Variants in FAF1 observed in about 807,000 individuals in gnomAD.
The protein encoded by FAF1 is FAS-associated factor 1.
A neutral mutation model predicts 92.5 loss-of-function variants in FAF1; 25 were observed. The observed-to-expected ratio is 0.27, with a 90% confidence interval of 0.20 to 0.38. The LOEUF (loss-of-function observed/expected upper bound fraction) is 0.38, where lower values mean the gene tolerates loss of function less well. Among genes scored for constraint, FAF1 ranks in the 10% least tolerant of loss-of-function variants. The pLI, the probability that FAF1 is intolerant of heterozygous loss-of-function variation, is 1.00. For missense variants in FAF1, 636 were observed against 793.3 expected (o/e 0.80, Z 2.38); for synonymous variants, 234 against 273.2 (o/e 0.86, Z 1.42).
intron 13 of FAF1, among the ~76,000 whole-genome samples, chr1:50,546,177 A>T (rs1649006170): frequency 6.6e-6 from 1 of 152,154 alleles, no homozygotes; most frequent in South Asian, 2.1e-4. Flanking sequence ...AAATCAATCA[A>T]TCTTGGTTAA....
chr1:50,752,545 T>C (rs115759686), intron 4 of FAF1, among the ~76,000 whole-genome samples: 3,531 of 152,248 alleles, frequency 0.023, 45 homozygotes, highest in Non-Finnish European at 0.037. Flanking sequence ...ATTATCAGTT[T>C]TATTAATCTT....
intron 1 of FAF1, among the ~76,000 whole-genome samples, chr1:50,950,591 G>A (rs1258920262): frequency 3.9e-5 from 6 of 152,152 alleles, no homozygotes; most frequent in Non-Finnish European, 8.8e-5. Context: ...ATAGTTTGCT[G>A]ACCCCTGATC....
At chr1:50,849,110 A>AC (rs1644327183) in intron 2 of FAF1, among the ~76,000 whole-genome samples, 2 of 151,160 alleles carry the variant, frequency 1.3e-5, no homozygotes, top group Admixed American at 6.6e-5. Context: ...TACACACACA[A>AC]AAAAAAATTA....
chr1:50,803,552 C>A (rs1055871217), intron 2 of FAF1, among the ~76,000 whole-genome samples: 2 of 151,916 alleles, frequency 1.3e-5, no homozygotes, highest in Non-Finnish European at 2.9e-5. Context: ...AGTGTCTGCA[C>A]AATAAAGGCA....
At position 50,879,142 on chromosome 1, in the gene FAF1, G is replaced by A. The variant is rs545750616; in HGVS notation, c.46-21145C>T. Among the ~76,000 whole-genome samples the A allele has an allele frequency of 9.2e-5, 14 of 152,306 alleles. No homozygotes were observed. The South Asian group carries it at 2.5e-3, about 27-fold the overall frequency. On this transcript the variant is annotated intron_variant, in intron 1 of 18. Coordinates refer to ENST00000396153, the MANE Select transcript of FAF1 (RefSeq NM_007051.3). ...CACCTGTAACCCCAGCTGCTGGGGAGGCTGAGGTATGATAATCTCTTGAAC... is the reference window on the plus strand; with the variant it reads ...CACCTGTAACCCCAGCTGCTGGGGAAGCTGAGGTATGATAATCTCTTGAAC...
At chr1:50,948,312 A>G (rs1645186489) in intron 1 of FAF1, among the ~76,000 whole-genome samples, 1 of 152,212 alleles carries the variant, frequency 6.6e-6, no homozygotes, top group Non-Finnish European at 1.5e-5. Flanking sequence ...TTTATACAGA[A>G]AAGAGGTTTG....
chr1:50,456,518 T>G (rs1171426536), intron 18 of FAF1, among the ~76,000 whole-genome samples: 1 of 152,158 alleles, frequency 6.6e-6, no homozygotes, highest in Non-Finnish European at 1.5e-5. Flanking sequence ...CCTCAAGCTA[T>G]GAAGATACCA....
At chr1:50,930,750 C>A (rs915421006) in intron 1 of FAF1, among the ~76,000 whole-genome samples, 2 of 152,054 alleles carry the variant, frequency 1.3e-5, no homozygotes, top group African/African-American at 4.8e-5. Flanking sequence ...TTGCAATGAG[C>A]CGAGATCGTG....
At chr1:50,721,014 T>C (rs1246624193) in intron 6 of FAF1, among the ~76,000 whole-genome samples, 7 of 152,182 alleles carry the variant, frequency 4.6e-5, no homozygotes, top group East Asian at 1.9e-4. Context: ...TGTGTACATA[T>C]ATAATTAAGT....
At chr1:50,783,986 G>A (rs1175708224) in intron 4 of FAF1, among the ~76,000 whole-genome samples, 15 of 152,122 alleles carry the variant, frequency 9.9e-5, no homozygotes, top group Admixed American at 7.9e-4. Context: ...TTTGACAGAA[G>A]TCAACATATT....
intron 6 of FAF1, among the ~76,000 whole-genome samples, chr1:50,721,256 G>T (rs1297488312): frequency 6.6e-6 from 1 of 151,568 alleles, no homozygotes. Context: ...TAAGTGAGAC[G>T]AGTCTCACTC....
intron 1 of FAF1, among the ~76,000 whole-genome samples, chr1:50,945,788 G>A (rs555403945): frequency 1.4e-4 from 22 of 152,348 alleles, no homozygotes; most frequent in African/African-American, 3.6e-4. Context: ...GCAAAGGTCC[G>A]TAGAAATACA....
intron 15 of FAF1, among the ~76,000 whole-genome samples, chr1:50,513,972 G>A (rs1034518629): frequency 6.6e-6 from 1 of 152,118 alleles, no homozygotes; most frequent in Non-Finnish European, 1.5e-5. Flanking sequence ...TCCAAACAGT[G>A]CAAATACAAT....
chr1:50,554,803 A>T (rs1478805290), intron 13 of FAF1, among the ~76,000 whole-genome samples: 4 of 152,194 alleles, frequency 2.6e-5, no homozygotes, highest in Non-Finnish European at 5.9e-5. Flanking sequence ...GTCTCAGGTC[A>T]AATAGGTGAG....
At chr1:50,526,804 A>C (rs1282460544) in intron 15 of FAF1, among the ~76,000 whole-genome samples, 1 of 151,958 alleles carries the variant, frequency 6.6e-6, no homozygotes, top group Non-Finnish European at 1.5e-5. Context: ...ACTAGCAGCC[A>C]ATGAGGGTTC....
chr1:50,618,642 G>A lies in FAF1; in HGVS notation c.745-22426C>T, dbSNP rs185522439. Among the ~76,000 whole-genome samples, 6 of 152,032 alleles carry A rather than the reference G, an allele frequency of 3.9e-5. No homozygotes were observed. The East Asian group carries it at 9.7e-4, about 24-fold the overall frequency. ...GCTGGGTGAGCATATATTTAGGATA[G>A]TTAAGTCTTCCTGTTGTGCTGTACC... On this transcript the variant is annotated intron_variant, in intron 8 of 18. Coordinates refer to ENST00000396153, the MANE Select transcript of FAF1 (RefSeq NM_007051.3).
chr1:50,612,328 T>C, intron 8 of FAF1: 1 of 1,228,882 alleles, frequency 8.1e-7, no homozygotes, highest in Non-Finnish European at 1.1e-6. Context: ...AAGGTTATTT[T>C]ACCTCAAGCA....
intron 15 of FAF1, among the ~76,000 whole-genome samples, chr1:50,520,868 T>C (rs1647464290): frequency 6.6e-6 from 1 of 152,090 alleles, no homozygotes; most frequent in Non-Finnish European, 1.5e-5. Flanking sequence ...ACTTTAGCTC[T>C]TTATTAAAGT....
chr1:50,614,955 T>C (rs1428622190), intron 8 of FAF1, among the ~76,000 whole-genome samples: 1 of 151,680 alleles, frequency 6.6e-6, no homozygotes, highest in Admixed American at 6.6e-5. Context: ...ACACAGGGAG[T>C]ACATGTACAG....
Sources: gnomAD v4.1 joint callset for allele counts (sites outside exome capture counted in the v4.1 genomes callset) on GRCh38, gnomAD v4.1.1 for gene constraint, MANE v1.5 for transcripts, NCBI Gene and HGNC (gene_info 2026-07-23, HGNC 2026-07-21) for gene names.